The following ESF1 variants were observed in gnomAD, a reference collection of about 807,000 sequenced individuals.
ESF1 encodes ESF1 nucleolar pre-rRNA processing protein.
In ESF1, 58 loss-of-function variants were observed where a neutral mutation model predicts 92.0. The ratio of observed to expected loss-of-function variants is 0.63; its 90% CI spans 0.51 to 0.78. ESF1 has a LOEUF of 0.78. ESF1 is among the 30% of genes least tolerant of loss of function. ESF1 has a pLI of 0.00. For synonymous variants in ESF1, 321 were observed against 313.7 expected, an observed-to-expected ratio of 1.02 and a Z score of -0.24; for missense variants, 922 against 989.1, an observed-to-expected ratio of 0.93 and a Z score of 0.91.
At chr20:13,768,886 G>A (rs1400193785) in intron 7 of ESF1, among the ~76,000 whole-genome samples, 2 of 116,604 alleles carry the variant, frequency 1.7e-5, no homozygotes, top group African/African-American at 3.3e-5. Context: ...GACAGAGCAA[G>A]ACTCTAGTCT....
chr20:13,774,652 C>A (rs1008882076), intron 4 of ESF1, among the ~76,000 whole-genome samples: 4 of 152,100 alleles, frequency 2.6e-5, no homozygotes, highest in African/African-American at 9.7e-5. Context: ...AGATTTGAAC[C>A]CAGGTCTGCA....
chr20:13,779,542 T>G (rs1980088018), intron 2 of ESF1, among the ~76,000 whole-genome samples: 1 of 152,226 alleles, frequency 6.6e-6, no homozygotes, highest in Non-Finnish European at 1.5e-5. Flanking sequence ...TAATTTCTAT[T>G]TTCATTTTTT....
At chr20:13,719,050 C>A in intron 11 of ESF1, 66 bp from the exon 12 acceptor site, 2 of 1,102,164 alleles carry the variant, frequency 1.8e-6, no homozygotes, top group Non-Finnish European at 2.6e-6. Context: ...TCTGTTTATA[C>A]TAGGAACAAA....
chr20:13,741,022 A>G (rs1192050594), intron 9 of ESF1, among the ~76,000 whole-genome samples: 1 of 152,058 alleles, frequency 6.6e-6, no homozygotes, highest in African/African-American at 2.4e-5. Flanking sequence ...ATCTGCCCCC[A>G]GGAATCATCC....
intron 9 of ESF1, among the ~76,000 whole-genome samples, chr20:13,741,498 CA>C (rs1228707043): frequency 6.6e-6 from 1 of 152,160 alleles, no homozygotes; most frequent in African/African-American, 2.4e-5. Context: ...AACAAACCCA[CA>C]GTTCTGAAAC....
At chr20:13,769,133 A>G (rs944443884) in intron 7 of ESF1, among the ~76,000 whole-genome samples, 1 of 152,194 alleles carries the variant, frequency 6.6e-6, no homozygotes, top group African/African-American at 2.4e-5. Flanking sequence ...GTAATTCATT[A>G]TCCACTTCCC....
Position 13,718,970 on chromosome 20 carries a change from A to AT in ESF1, c.2052dup (p.Ser685IlefsTer16), listed in dbSNP as rs781505138. ...GTGCCATCTTTTGCAGATTTTACCG[A>AT]TTTTTTATTTATACCTGGCACAACA... is the stretch of plus-strand genomic sequence containing the variant. On this transcript the variant is annotated frameshift_variant, in exon 12 of 14. Transcript: ENST00000617257. LOFTEE classifies it high-confidence loss of function. 2 of 1,603,294 alleles carry AT rather than the reference A, an allele frequency of 1.2e-6. No homozygotes were observed. Among genetic ancestry groups the AT allele is most frequent in the African/African-American group, 1.3e-5 (1 of 74,532 alleles).
At chr20:13,777,842 G>A (rs1263645274) in intron 2 of ESF1, among the ~76,000 whole-genome samples, 1 of 152,084 alleles carries the variant, frequency 6.6e-6, no homozygotes, top group Admixed American at 6.5e-5. Flanking sequence ...AAAATTAAAA[G>A]CAAATTTAAA....
intron 13 of ESF1, among the ~76,000 whole-genome samples, chr20:13,716,212 C>G (rs1415215992): frequency 6.6e-6 from 1 of 152,174 alleles, no homozygotes; most frequent in Non-Finnish European, 1.5e-5. Context: ...AGTCATTAAG[C>G]AGTTTCTAAC....
chr20:13,784,861 C>G lies in ESF1; in HGVS notation c.-44+19G>C, dbSNP rs6042360. The G allele has an allele frequency of 1.8e-5, 11 of 597,710 alleles. No homozygotes were observed. The highest frequency in any genetic ancestry group is 3.3e-5 in the Non-Finnish European group (11 of 336,540). 37.0% of individuals were successfully genotyped at this position (597,710 alleles called of 1,614,324 possible). A position where few individuals can be genotyped will look rare whatever the true frequency, so the allele number is the denominator to read the frequency against. The stretch of plus-strand genomic sequence containing the variant: ...GCCCTTCATCTCGAGCTCTTCAACT[C>G]CAGTCCATCCCCACTCACCGTCCGC... On this transcript the variant is annotated intron_variant, in intron 1 of 13. Coordinates refer to ENST00000617257, the MANE Select transcript of ESF1 (RefSeq NM_001276380.2).
chr20:13,739,818 A>G (rs1244679927), intron 9 of ESF1, among the ~76,000 whole-genome samples: 3 of 151,982 alleles, frequency 2.0e-5, no homozygotes, highest in Non-Finnish European at 4.4e-5. Context: ...CTATGGTCTT[A>G]TATGGATCTT....
intron 11 of ESF1, among the ~76,000 whole-genome samples, chr20:13,719,632 C>T (rs1042087011): frequency 1.8e-4 from 28 of 151,772 alleles, no homozygotes; most frequent in African/African-American, 2.7e-4. Flanking sequence ...GAAAATAAAA[C>T]GCAGGTGAAT....
chr20:13,726,267 TTTG>T (rs2147724769), intron 11 of ESF1, among the ~76,000 whole-genome samples: 1 of 152,328 alleles, frequency 6.6e-6, no homozygotes, highest in African/African-American at 2.4e-5. Context: ...AAAATCTAAA[TTTG>T]TTGTCAGGAC....
Position 13,718,950 on chromosome 20 carries a change from A to T in ESF1, c.2073T>A (p.Asp691Glu). Residue 691 changes from aspartate (D) to glutamate (E), a missense_variant, in exon 12 of 14, where the codon GAT (aspartate) becomes GAA (glutamate). Transcript: ENST00000617257. ...CAATTTCTTCTTCTGGAGATGTGCC[A>T]TCTTTTGCAGATTTTACCGATTTTT... The part of the protein sequence containing the change: ...INKKSVKSAK[D>E]GTSPEEEIEI... 1 of 1,605,184 alleles carries T rather than the reference A, an allele frequency of 6.2e-7. No individual in the cohort carries two copies. Among genetic ancestry groups the T allele is most frequent in the Non-Finnish European group, 8.5e-7 (1 of 1,177,436 alleles).
chr20:13,735,003 A>G (rs561825269), intron 9 of ESF1, among the ~76,000 whole-genome samples: 1 of 152,266 alleles, frequency 6.6e-6, no homozygotes, highest in South Asian at 2.1e-4. Context: ...TTTGACCTAC[A>G]GAATGAAGAA....
chr20:13,782,671 T>A lies in ESF1; in HGVS notation c.470A>T (p.Asp157Val), dbSNP rs747597138. The change falls in exon 2 of 14, where the codon GAT (aspartate) becomes GTT (valine). Residue 157 changes from aspartate (D) to valine (V), a missense_variant. Transcript: ENST00000617257. ...KIDSNISPKKDSKEFTQKNKK... is the reference protein window; with the variant it reads ...KIDSNISPKKVSKEFTQKNKK... ...ATTTTTTTGTGTAAATTCTTTGCTATCCTTCTTCGGACTTATGTTTGAATC... is the reference window on the plus strand; with the variant it reads ...ATTTTTTTGTGTAAATTCTTTGCTAACCTTCTTCGGACTTATGTTTGAATC... The A allele has an allele frequency of 1.2e-6, 2 of 1,603,794 alleles. No individual in the cohort carries two copies. The highest frequency in any genetic ancestry group is 2.3e-5 in the South Asian group (2 of 87,660).
intron 10 of ESF1, among the ~76,000 whole-genome samples, chr20:13,731,531 C>CAA (rs35867169): frequency 6.7e-4 from 48 of 71,436 alleles, no homozygotes; most frequent in East Asian, 1.6e-3. Context: ...GACTCGGTCT[C>CAA]AAAAAAAAAA....
At chr20:13,737,662 C>CT (rs999541608) in intron 9 of ESF1, among the ~76,000 whole-genome samples, 32 of 151,238 alleles carry the variant, frequency 2.1e-4, no homozygotes, top group African/African-American at 4.8e-4. Context: ...GAGTATAAGG[C>CT]TTTTTTTTTG....
chr20:13,766,640 T>TAA, intron 8 of ESF1, 137 bp downstream of exon 8: 1 of 749,328 alleles, frequency 1.3e-6, no homozygotes, highest in Non-Finnish European at 1.9e-6. Context: ...AATTTTTTTT[T>TAA]AAAAAAATCA....
Sources: gnomAD v4.1 joint callset for allele counts (sites outside exome capture counted in the v4.1 genomes callset) on GRCh38, gnomAD v4.1.1 for gene constraint, MANE v1.5 for transcripts, NCBI Gene and HGNC (gene_info 2026-07-23, HGNC 2026-07-21) for gene names.